Variants in NEBL observed in about 807,000 individuals in gnomAD.
The protein encoded by NEBL is nebulette.
In NEBL, 122 loss-of-function variants were observed where a neutral mutation model predicts 140.2. That is an observed-to-expected ratio of 0.87 (90% CI 0.75 to 1.01). The LOEUF (loss-of-function observed/expected upper bound fraction) is 1.01. NEBL is among the 50% of genes least tolerant of loss of function. The pLI, the probability that NEBL is intolerant of heterozygous loss-of-function variation, is 0.00. For missense variants in NEBL, 1,365 were observed against 1,231.3 expected, an observed-to-expected ratio of 1.11 and a Z score of -1.62; for synonymous variants, 436 against 398.9, an observed-to-expected ratio of 1.09 and a Z score of -1.11.
chr10:20,938,320 G>A (rs565475910), intron 4 of NEBL, among the ~76,000 whole-genome samples: 1 of 152,318 alleles, frequency 6.6e-6, no homozygotes, highest in Non-Finnish European at 1.5e-5. Context: ...CTGATACCCA[G>A]GGAAACACGG....
intron 4 of NEBL, among the ~76,000 whole-genome samples, chr10:20,950,691 C>A (rs1043066782): frequency 6.6e-6 from 1 of 152,234 alleles, no homozygotes; most frequent in East Asian, 1.9e-4. Flanking sequence ...ACAGTCAAAG[C>A]CCCAGATTCT....
chr10:21,169,067 A>AAAAAAAATAT (rs1554830679), intron 2 of NEBL, among the ~76,000 whole-genome samples: 13 of 23,068 alleles, frequency 5.6e-4, no homozygotes, highest in Non-Finnish European at 1.0e-3. Flanking sequence ...AAAAAAAAAA[A>AAAAAAAATAT]ATATATATAT....
At chr10:21,169,891 G>C (rs1840999720) in intron 2 of NEBL, among the ~76,000 whole-genome samples, 1 of 152,154 alleles carries the variant, frequency 6.6e-6, no homozygotes, top group Non-Finnish European at 1.5e-5. Context: ...TATGTTGAGA[G>C]TATTAAAAAT....
chr10:20,906,364 A>T (rs1357451433), intron 4 of NEBL, among the ~76,000 whole-genome samples: 1 of 152,172 alleles, frequency 6.6e-6, no homozygotes, highest in African/African-American at 2.4e-5. Flanking sequence ...TAAGCCAGGG[A>T]AAACAATACT....
chr10:21,208,437 C>T (rs1178076564), intron 3 of NEBL, among the ~76,000 whole-genome samples: 1 of 152,148 alleles, frequency 6.6e-6, no homozygotes, highest in East Asian at 1.9e-4. Flanking sequence ...GGTCAGACAG[C>T]AGGCTGACCT....
rs35122753 is a variant in NEBL, at chr10:21,275,968, C to CTT, written n.182+16860_182+16861dup. ...AGTGAGCCACCACAGCCAGCCCTTTCTTTTTTTTTTTTTTTTTTTAAAGAC... is the reference window on the plus strand; with the variant it reads ...AGTGAGCCACCACAGCCAGCCCTTTCTTTTTTTTTTTTTTTTTTTTTAAAGAC... On this transcript the variant is annotated intron_variant and non_coding_transcript_variant, in intron 1 of 8. Transcript: ENST00000675702. Among the ~76,000 whole-genome samples, 18 of 124,326 alleles carry CTT rather than the reference C, an allele frequency of 1.4e-4. 1 individual carries two copies. The highest frequency in any genetic ancestry group is 4.5e-3 in the Middle Eastern group (1 of 224). The allele number at this position is 124,326 out of a possible 152,430, so 81.6% of individuals were successfully genotyped here.
At chr10:20,928,776 T>C (rs574541244) in intron 4 of NEBL, among the ~76,000 whole-genome samples, 506 of 152,338 alleles carry the variant, frequency 3.3e-3, no homozygotes, top group Non-Finnish European at 5.2e-3. Flanking sequence ...CGGTTTCTCC[T>C]ACTCTACCAG....
chr10:20,815,602 C>G, intron 22 of NEBL, 23 bp downstream of exon 22: 1 of 1,542,882 alleles, frequency 6.5e-7, no homozygotes, highest in Non-Finnish European at 9.0e-7. Context: ...TTGTGATAGT[C>G]TAAAATGAAG....
chr10:21,032,953 G>A (rs1193445644), intron 2 of NEBL, among the ~76,000 whole-genome samples: 1 of 152,096 alleles, frequency 6.6e-6, no homozygotes, highest in Non-Finnish European at 1.5e-5. Context: ...AATGCTTATC[G>A]GCTATTGAAA....
intron 3 of NEBL, among the ~76,000 whole-genome samples, chr10:21,183,723 T>C (rs1203150537): frequency 1.3e-5 from 2 of 152,096 alleles, no homozygotes; most frequent in African/African-American, 4.8e-5. Flanking sequence ...AGGCCGGACA[T>C]AAGGAGGACA....
intron 2 of NEBL, among the ~76,000 whole-genome samples, chr10:21,054,796 A>C (rs1834936459): frequency 6.6e-6 from 1 of 152,200 alleles, no homozygotes; most frequent in Admixed American, 6.5e-5. Flanking sequence ...ATGACTTGGC[A>C]CTTACTCGGA....
intron 1 of NEBL, among the ~76,000 whole-genome samples, chr10:21,276,197 C>G (rs1842922534): frequency 6.6e-6 from 1 of 152,060 alleles, no homozygotes; most frequent in Non-Finnish European, 1.5e-5. Context: ...GTCTCAAACT[C>G]CTGACCTCTA....
intron 2 of NEBL, among the ~76,000 whole-genome samples, chr10:21,099,705 A>G (rs1400219313): frequency 6.6e-6 from 1 of 152,168 alleles, no homozygotes; most frequent in Admixed American, 6.6e-5. Context: ...TATCTCCATG[A>G]AAGGATGGAA....
chr10:20,867,464 C>CTGTT (rs2131216690), intron 7 of NEBL, among the ~76,000 whole-genome samples: 1 of 152,218 alleles, frequency 6.6e-6, no homozygotes, highest in South Asian at 2.1e-4. Flanking sequence ...GTAAAACTTA[C>CTGTT]TGTTTGTTAA....
At chr10:20,997,180 AACTC>A (rs554944567) in intron 3 of NEBL, among the ~76,000 whole-genome samples, 43 of 152,108 alleles carry the variant, frequency 2.8e-4, no homozygotes, top group African/African-American at 1.4e-4. Context: ...CCTAATCCTG[AACTC>A]ACTCACTCAC....
intron 19 of NEBL, 74 bp downstream of exon 19, chr10:20,823,134 G>T: frequency 8.9e-7 from 1 of 1,124,068 alleles, no homozygotes; most frequent in Non-Finnish European, 1.3e-6. Context: ...CATTTGACCT[G>T]TACAGGTTTT....
intron 2 of NEBL, among the ~76,000 whole-genome samples, chr10:21,071,229 A>G (rs965381054): frequency 4.0e-5 from 6 of 149,428 alleles, no homozygotes; most frequent in African/African-American, 1.5e-4. Context: ...AAATAATATT[A>G]TTATTATTTT....
rs11012428 is a variant in NEBL, at chr10:20,973,552, C to T, written c.250-11773G>A. On this transcript the variant is annotated intron_variant, in intron 3 of 6. Transcript: ENST00000417816. Reference sequence around the variant, plus strand: ...GACATAAGCCATCGCTCCCAGACTACCATTTTTTTACATAGAAAAAATGTA... The same window carrying T: ...GACATAAGCCATCGCTCCCAGACTATCATTTTTTTACATAGAAAAAATGTA... 0.02 allele frequency among the ~76,000 whole-genome samples: 2,990 copies of T among 152,246 alleles called. 388 individuals carry two copies. The East Asian group carries it at 0.36, about 18-fold the overall frequency.
At chr10:20,822,962 TG>T (rs1000025784) in intron 19 of NEBL, among the ~76,000 whole-genome samples, 3 of 152,130 alleles carry the variant, frequency 2.0e-5, no homozygotes, top group African/African-American at 7.2e-5. Context: ...GAGTCTCCAA[TG>T]TCTATGATTC....
Sources: allele counts gnomAD v4.1 joint callset (sites outside exome capture counted in the v4.1 genomes callset), GRCh38; gene constraint gnomAD v4.1.1; transcripts MANE v1.5; gene names NCBI Gene and HGNC (gene_info 2026-07-23, HGNC 2026-07-21).